CCND3: variants seen among roughly 807,000 people sequenced by gnomAD.
The protein encoded by CCND3 is cyclin D3.
In CCND3, 9 loss-of-function variants were observed where a neutral mutation model predicts 28.7. The ratio of observed to expected loss-of-function variants is 0.31; its 90% CI spans 0.19 to 0.55. The LOEUF is 0.55. CCND3 is among the 20% of genes least tolerant of loss of function. CCND3 has a pLI of 0.93. For missense variants in CCND3, 315 were observed against 385.8 expected, an observed-to-expected ratio of 0.82 and a Z score of 1.54; for synonymous variants, 164 against 163.9, an observed-to-expected ratio of 1.00 and a Z score of 0.00.
At position 41,935,836 on chromosome 6, in the gene CCND3, G is replaced by T; in HGVS notation, c.*104C>A. ...CCTTGGGCTTTGTGAAGGGGGAACA[G>T]ACGCCCCTTCAGGCTTAGATGTGGT... On this transcript the variant is annotated 3_prime_UTR_variant, in exon 5 of 5. Coordinates refer to ENST00000372991, the MANE Select transcript of CCND3 (RefSeq NM_001760.5). 1 of 1,123,720 alleles carries T rather than the reference G, an allele frequency of 8.9e-7. No individual in the cohort carries two copies. 69.6% of individuals were successfully genotyped at this position (1,123,720 alleles called of 1,614,324 possible).
chr6:41,981,356 C>G (rs995107250), intron 1 of CCND3, among the ~76,000 whole-genome samples: 2 of 151,950 alleles, frequency 1.3e-5, no homozygotes, highest in East Asian at 3.9e-4. Flanking sequence ...AGGCACCCAC[C>G]ACCATCCCTG....
At chr6:42,018,807 C>T (rs1269508055) in intron 1 of CCND3, among the ~76,000 whole-genome samples, 1 of 151,300 alleles carries the variant, frequency 6.6e-6, no homozygotes, top group African/African-American at 2.4e-5. Flanking sequence ...AGGAGAATCA[C>T]TTGAACCCAG....
intron 1 of CCND3, among the ~76,000 whole-genome samples, chr6:42,024,414 AT>A (rs67167549): frequency 0.11 from 13,121 of 121,730 alleles, 758 homozygotes; most frequent in Middle Eastern, 0.12. Context: ...AAAAAAAAAA[AT>A]AATAATAATT....
In CCND3 at chr6:42,002,114, T is replaced by TAA. The variant is rs55946125; in HGVS notation, c.-46+46385_-46+46386dup. ...TGGGTGAGAAGAGCAAAACTTTCTT[T>TAA]AAAAAAAAAAAAAATTCATAGAACT... On this transcript the variant is annotated intron_variant, in intron 1 of 4. Coordinates refer to the CCND3 transcript ENST00000372988. Among the ~76,000 whole-genome samples, 189 of 142,558 alleles carry TAA rather than the reference T, an allele frequency of 1.3e-3. 1 individual carries two copies. Among genetic ancestry groups the TAA allele is most frequent in the Middle Eastern group, 6.9e-3 (2 of 288 alleles). The allele number at this position is 142,558 out of a possible 152,430, so 93.5% of individuals were successfully genotyped here. A position where few individuals can be genotyped will look rare whatever the true frequency, so the allele number is the denominator to read the frequency against.
upstream of CCND3, chr6:41,941,934 G>T (rs942649931): frequency 1.7e-4 from 30 of 179,882 alleles, no homozygotes; most frequent in African/African-American, 6.8e-4. The surrounding 1 kb of genome is among the most constrained non-coding windows in gnomAD (Gnocchi z 6.1). Flanking sequence ...TCCCTCCCGC[G>T]GCCCCATTGG....
At chr6:41,993,765 T>C (rs1669305543) in intron 1 of CCND3, among the ~76,000 whole-genome samples, 1 of 151,008 alleles carries the variant, frequency 6.6e-6, no homozygotes, top group South Asian at 2.1e-4. Context: ...CTACTAAAAA[T>C]ACAAAAAATT....
intron 1 of CCND3, among the ~76,000 whole-genome samples, chr6:41,947,436 CA>C (rs1029219415): frequency 6.6e-6 from 1 of 152,090 alleles, no homozygotes; most frequent in Non-Finnish European, 1.5e-5. Context: ...AATCTTTCCC[CA>C]AAAAACCCGC....
At chr6:41,946,121 T>C (rs886561922), upstream of CCND3, among the ~76,000 whole-genome samples, 1 of 152,212 alleles carries the variant, frequency 6.6e-6, no homozygotes, top group Non-Finnish European at 1.5e-5. Flanking sequence ...TGTGTGAATT[T>C]GGCTAAGTTA....
intron 1 of CCND3, among the ~76,000 whole-genome samples, chr6:42,032,186 A>T (rs1561996059): frequency 6.6e-6 from 1 of 152,186 alleles, no homozygotes; most frequent in Non-Finnish European, 1.5e-5. Context: ...CCTGGGCTCA[A>T]GCGATTCTTC....
In CCND3 at chr6:41,984,727, C is replaced by T. The variant is rs151315378; in HGVS notation, c.-45-44142G>A. 8.9e-4 allele frequency among the ~76,000 whole-genome samples: 136 copies of T among 152,276 alleles called. No homozygotes were observed. In the Middle Eastern group the frequency reaches 0.02, roughly 23 times the overall value. On this transcript the variant is annotated intron_variant, in intron 1 of 4. Coordinates refer to the CCND3 transcript ENST00000372988. Reference sequence around the variant, plus strand: ...CTATACTAATTTACATTCCCACCAACGGGACTGTGTGCAAGCATTCCCTTT... The same window carrying T: ...CTATACTAATTTACATTCCCACCAATGGGACTGTGTGCAAGCATTCCCTTT...
At chr6:41,992,041 G>A (rs372314686) in intron 1 of CCND3, among the ~76,000 whole-genome samples, 10 of 152,180 alleles carry the variant, frequency 6.6e-5, no homozygotes, top group Non-Finnish European at 1.2e-4. Context: ...TGTCAATAGC[G>A]CTGCAATAAA....
intron 1 of CCND3, among the ~76,000 whole-genome samples, chr6:42,045,105 C>T (rs1383166936): frequency 6.6e-6 from 1 of 151,850 alleles, no homozygotes; most frequent in African/African-American, 2.4e-5. Flanking sequence ...TGCCCAGTGG[C>T]TATCCTTTCT....
At chr6:42,023,609 G>A (rs78939020) in intron 1 of CCND3, among the ~76,000 whole-genome samples, 1,978 of 152,232 alleles carry the variant, frequency 0.013, 40 homozygotes, top group African/African-American at 0.042. Flanking sequence ...TGAGAATAGC[G>A]AGAACTGGTA....
At chr6:42,046,529 A>T (rs1764549342) in intron 1 of CCND3, among the ~76,000 whole-genome samples, 1 of 152,222 alleles carries the variant, frequency 6.6e-6, no homozygotes. Context: ...CCAAGTTGAG[A>T]AGTTCTTTCT....
intron 1 of CCND3, among the ~76,000 whole-genome samples, chr6:41,948,410 A>C (rs1474738661): frequency 6.6e-6 from 1 of 151,078 alleles, no homozygotes; most frequent in Non-Finnish European, 1.5e-5. Flanking sequence ...ATAACGACTC[A>C]CTGCAGCCTC....
chr6:42,023,273 C>T (rs1375083178), intron 1 of CCND3, among the ~76,000 whole-genome samples: 1 of 152,152 alleles, frequency 6.6e-6, no homozygotes, highest in Non-Finnish European at 1.5e-5. Context: ...TTTGAAATGG[C>T]CCCCGAGCCT....
intron 1 of CCND3, among the ~76,000 whole-genome samples, chr6:41,994,932 C>T (rs975789635): frequency 2.0e-5 from 3 of 151,758 alleles, no homozygotes; most frequent in Non-Finnish European, 4.4e-5. Flanking sequence ...ATTAGCCAGG[C>T]GTGGTGGCAG....
intron 1 of CCND3, among the ~76,000 whole-genome samples, chr6:42,014,645 C>G (rs900516511): frequency 1.1e-4 from 17 of 152,096 alleles, no homozygotes; most frequent in African/African-American, 4.1e-4. Flanking sequence ...TGGGAAGGAG[C>G]TGGGCATGGT....
intron 1 of CCND3, among the ~76,000 whole-genome samples, chr6:41,996,899 A>G (rs9357378): frequency 0.59 from 89,949 of 151,910 alleles, 27,328 homozygotes; most frequent in African/African-American, 0.74. Context: ...TCTTGACCTC[A>G]TGATCCTCCC....
Sources: gnomAD v4.1 joint callset for allele counts (sites outside exome capture counted in the v4.1 genomes callset) on GRCh38, gnomAD v4.1.1 for gene constraint, Gnocchi (gnomAD v3.1) non-coding constraint, MANE v1.5 for transcripts, NCBI Gene and HGNC (gene_info 2026-07-23, HGNC 2026-07-21) for gene names.